The following CCDC134 variants were observed in gnomAD, a reference collection of about 807,000 sequenced individuals.
The protein encoded by CCDC134 is coiled-coil domain containing 134.
In CCDC134, 27 loss-of-function variants were observed where a neutral mutation model predicts 25.6. The ratio of observed to expected loss-of-function variants is 1.05; its 90% CI spans 0.78 to 1.45. The LOEUF is 1.45. Ranked by LOEUF, CCDC134 falls within the 40% of genes most tolerant of loss-of-function variation. The pLI, the probability that CCDC134 is intolerant of heterozygous loss-of-function variation, is 0.00. For missense variants in CCDC134, 261 were observed against 286.7 expected (o/e 0.91, Z 0.65); for synonymous variants, 110 against 115.0 (o/e 0.96, Z 0.28).
intron 4 of CCDC134, among the ~76,000 whole-genome samples, chr22:41,810,773 C>A (rs1234683954): frequency 6.6e-6 from 1 of 152,052 alleles, no homozygotes; most frequent in Non-Finnish European, 1.5e-5. Flanking sequence ...GGATTACAGG[C>A]GAGAGCCACT....
At chr22:41,811,028 G>GCCTGACAT (rs1341798986) in intron 4 of CCDC134, among the ~76,000 whole-genome samples, 1 of 152,160 alleles carries the variant, frequency 6.6e-6, no homozygotes, top group Non-Finnish European at 1.5e-5. Context: ...CGGGGTCCCT[G>GCCTGACAT]CCTGACATGT....
chr22:41,801,468 A>C (rs945233596), intron 1 of CCDC134, among the ~76,000 whole-genome samples: 1 of 152,124 alleles, frequency 6.6e-6, no homozygotes, highest in Non-Finnish European at 1.5e-5. Context: ...CTGGACTTAG[A>C]GCCAAACAGA....
In CCDC134 at chr22:41,830,182, C is replaced by G. The variant is rs1365780475; in HGVS notation, c.*4359C>G. 1.3e-5 allele frequency among the ~76,000 whole-genome samples: 2 copies of G among 152,218 alleles called. No homozygotes were observed. Among genetic ancestry groups the G allele is most frequent in the African/African-American group, 4.8e-5 (2 of 41,450 alleles). ...CCTGCTAGCCAGAGCAAGGTACCAC[C>G]TGGAAGAGATGTTCAGTTACATGGG... On this transcript the variant is annotated 3_prime_UTR_variant, in exon 7 of 7. Coordinates refer to ENST00000255784, the MANE Select transcript of CCDC134 (RefSeq NM_024821.5).
rs142523672 is a variant in CCDC134, at chr22:41,828,920, A to C, written c.*3097A>C. On this transcript the variant is annotated 3_prime_UTR_variant, in exon 7 of 7. Coordinates refer to ENST00000255784, the MANE Select transcript of CCDC134 (RefSeq NM_024821.5). The stretch of plus-strand genomic sequence containing the variant: ...GTGATCTTGGACATTGCTCCTGTCT[A>C]CTCAGCTGCTAGTCTGTGAGCTCCC... Among the ~76,000 whole-genome samples, 16 of 152,192 alleles carry C rather than the reference A, an allele frequency of 1.1e-4. No individual in the cohort carries two copies. In the East Asian group the frequency reaches 3.1e-3, roughly 29 times the overall value.
chr22:41,825,934 G>C lies in CCDC134; in HGVS notation c.*111G>C. ...CCAGCTAGCCCCTTCCAGAAGGGGA[G>C]GCCACATTTGCCCGGCCCCCTGGAG... On this transcript the variant is annotated 3_prime_UTR_variant, in exon 7 of 7. Coordinates refer to ENST00000255784, the MANE Select transcript of CCDC134 (RefSeq NM_024821.5). This position sits in a 1 kb window ranked among gnomAD's most constrained non-coding sequence, Gnocchi z 4.4. The C allele has an allele frequency of 6.9e-7, 1 of 1,454,470 alleles. No homozygotes were observed. Among genetic ancestry groups the C allele is most frequent in the Non-Finnish European group, 9.3e-7 (1 of 1,069,796 alleles). 90.1% of individuals were successfully genotyped at this position (1,454,470 alleles called of 1,614,324 possible). A position where few individuals can be genotyped will look rare whatever the true frequency, so the allele number is the denominator to read the frequency against.
chr22:41,810,879 ATC>A (rs1288004392), intron 4 of CCDC134, among the ~76,000 whole-genome samples: 1 of 152,056 alleles, frequency 6.6e-6, no homozygotes, highest in African/African-American at 2.4e-5. Flanking sequence ...ATGAACTCAA[ATC>A]TCCACCATAA....
intron 1 of CCDC134, among the ~76,000 whole-genome samples, chr22:41,802,055 G>C (rs571592367): frequency 1.3e-5 from 2 of 152,206 alleles, no homozygotes; most frequent in African/African-American, 4.8e-5. Flanking sequence ...GTTTGCAGTG[G>C]CCTTTGTGCA....
Position 41,810,012 on chromosome 22 carries a change from C to T in CCDC134, c.225+12C>T, listed in dbSNP as rs1227009127. 1 of 1,613,828 alleles carries T rather than the reference C, an allele frequency of 6.2e-7. No individual in the cohort carries two copies. The highest frequency in any genetic ancestry group is 1.3e-5 in the African/African-American group (1 of 75,018). On this transcript the variant is annotated intron_variant, in intron 3 of 6. Transcript: ENST00000255784. Reference sequence around the variant, plus strand: ...AGGGGCTCTTTAAGGTGTGTGCAGGCAGGGGGCAGCTCATGGCAGGTCCAG... The same window carrying T: ...AGGGGCTCTTTAAGGTGTGTGCAGGTAGGGGGCAGCTCATGGCAGGTCCAG...
At chr22:41,809,409 C>T (rs990087232) in intron 2 of CCDC134, among the ~76,000 whole-genome samples, 2 of 152,146 alleles carry the variant, frequency 1.3e-5, no homozygotes, top group Non-Finnish European at 2.9e-5. Context: ...AGAAAGTATC[C>T]AAACAAATGA....
Position 41,826,562 on chromosome 22 carries a change from G to T in CCDC134, c.*739G>T, listed in dbSNP as rs2076680283. 6.6e-6 allele frequency among the ~76,000 whole-genome samples: 1 copy of T among 152,244 alleles called. No homozygotes were observed. The highest frequency in any genetic ancestry group is 2.4e-5 in the African/African-American group (1 of 41,470). On this transcript the variant is annotated 3_prime_UTR_variant, in exon 7 of 7. Transcript: ENST00000255784. ...AGCAACATGATCCCTGTCCTCAGATGTCTGGGGACAGTCATTGAGCAAGCA... is the reference window on the plus strand; with the variant it reads ...AGCAACATGATCCCTGTCCTCAGATTTCTGGGGACAGTCATTGAGCAAGCA...
chr22:41,811,157 C>A (rs1015552674), intron 4 of CCDC134, among the ~76,000 whole-genome samples: 1 of 152,252 alleles, frequency 6.6e-6, no homozygotes. Flanking sequence ...ACTGCTTAGA[C>A]CTGTTTACAC....
In CCDC134 at chr22:41,813,435, T is replaced by C; in HGVS notation, c.482T>C (p.Ile161Thr). 6.2e-7 allele frequency: 1 copy of C among 1,614,184 alleles called. No individual in the cohort carries two copies. The highest frequency in any genetic ancestry group is 8.5e-7 in the Non-Finnish European group (1 of 1,180,014). Residue 161 changes from isoleucine (I) to threonine (T), a missense_variant, in exon 5 of 7, where the codon ATC becomes ACC. Transcript: ENST00000255784. ...GVFNQGPHSP[I>T]LSLMAQELGI... is the part of the protein sequence containing the mutation. ...TTCAACCAGGGGCCCCACTCGCCCA[T>C]CCTCAGCCTGGTAAGGACTGGGGTG...
chr22:41,825,760 AGAG>A lies in CCDC134; in HGVS notation c.631_633del (p.Glu211del), dbSNP rs1474004434. 26 of 1,614,100 alleles carry A rather than the reference AGAG, an allele frequency of 1.6e-5. No homozygotes were observed. The highest frequency in any genetic ancestry group is 2.2e-5 in the Non-Finnish European group (26 of 1,180,032). ...GAGAAGAAGAGAAACGCCGAAAGAA[AGAG>A]GAGAAGCGGAAGGAGATCCGAAAAG... On this transcript the variant is annotated inframe_deletion, in exon 7 of 7. Transcript: ENST00000255784. This position sits in a 1 kb window ranked among gnomAD's most constrained non-coding sequence, Gnocchi z 4.4.
At chr22:41,824,685 G>A (rs936643633) in intron 6 of CCDC134, among the ~76,000 whole-genome samples, 21 of 152,128 alleles carry the variant, frequency 1.4e-4, no homozygotes, top group African/African-American at 2.2e-4. Flanking sequence ...GGTTGAACCC[G>A]GGAGGTGGAG....
At position 41,825,865 on chromosome 22, in the gene CCDC134, G is replaced by A. The variant is rs376278722; in HGVS notation, c.*42G>A. ...GGCTCAGGGGGCCACAAGGAGGCAG[G>A]TCGGGAGGAAGAAGAGGTGGAGGTG... On this transcript the variant is annotated 3_prime_UTR_variant, in exon 7 of 7. Coordinates refer to ENST00000255784, the MANE Select transcript of CCDC134 (RefSeq NM_024821.5). The surrounding 1 kb of genome is among the most constrained non-coding windows in gnomAD (Gnocchi z 4.4). 4.2e-5 allele frequency: 67 copies of A among 1,608,892 alleles called. No individual in the cohort carries two copies. The African/African-American group carries it at 7.2e-4, about 17-fold the overall frequency.
chr22:41,808,612 A>C (rs2076579327), intron 1 of CCDC134, among the ~76,000 whole-genome samples: 4 of 152,150 alleles, frequency 2.6e-5, no homozygotes. Flanking sequence ...TCCAGCCTAG[A>C]GCTCTAGCCA....
rs951991466 is a variant in CCDC134, at chr22:41,822,977, T to A, written c.565-2721T>A. The stretch of plus-strand genomic sequence containing the variant: ...TGGAGCCATTTGTTTGTTTTTAGTA[T>A]CTACTTTGATCAGATCAAACATTTG... On this transcript the variant is annotated intron_variant, in intron 6 of 6. Coordinates refer to ENST00000255784, the MANE Select transcript of CCDC134 (RefSeq NM_024821.5). Among the ~76,000 whole-genome samples the A allele has an allele frequency of 6.6e-5, 10 of 152,336 alleles. No individual in the cohort carries two copies. In the Middle Eastern group the frequency reaches 0.014, roughly 207 times the overall value.
At chr22:41,813,234 C>T (rs182439009) in intron 4 of CCDC134, 30 bp from the exon 5 acceptor site, 3 of 1,612,170 alleles carry the variant, frequency 1.9e-6, no homozygotes, top group African/African-American at 2.7e-5. Context: ...GAGCATCTGC[C>T]CTGGCCACTC....
chr22:41,809,837 GC>G (rs1437556224), intron 2 of CCDC134, 41 bp from the exon 3 acceptor site: 1 of 1,612,550 alleles, frequency 6.2e-7, no homozygotes, highest in East Asian at 2.2e-5. Flanking sequence ...GATTGTCCAG[GC>G]AGGGCTATTG....
Sources: allele counts gnomAD v4.1 joint callset (sites outside exome capture counted in the v4.1 genomes callset), GRCh38; gene constraint gnomAD v4.1.1; non-coding constraint Gnocchi (gnomAD v3.1); transcripts MANE v1.5; gene names NCBI Gene and HGNC (gene_info 2026-07-23, HGNC 2026-07-21).